MDGA2: variants seen among roughly 807,000 people sequenced by gnomAD.
MDGA2 encodes the protein MAM domain-containing glycosylphosphatidylinositol anchor protein 2.
MDGA2 carries 40 observed loss-of-function variants against 117.8 expected under a neutral mutation model. The ratio of observed to expected loss-of-function variants is 0.34; its 90% CI spans 0.26 to 0.44. MDGA2 has a LOEUF of 0.44. Among genes scored for constraint, MDGA2 ranks in the 20% least tolerant of loss-of-function variants. MDGA2 has a pLI of 1.00. For synonymous variants in MDGA2, 452 were observed against 439.0 expected, an observed-to-expected ratio of 1.03 and a Z score of -0.37; for missense variants, 1,123 against 1,250.6, an observed-to-expected ratio of 0.90 and a Z score of 1.54.
intron 1 of MDGA2, among the ~76,000 whole-genome samples, chr14:47,499,623 C>A (rs1285104765): frequency 2.0e-5 from 3 of 152,056 alleles, no homozygotes; most frequent in Non-Finnish European, 2.9e-5. Flanking sequence ...GCTTATATAC[C>A]TACAGCTTCC....
chr14:47,422,554 T>C (rs902898829), intron 1 of MDGA2, among the ~76,000 whole-genome samples: 1 of 152,212 alleles, frequency 6.6e-6, no homozygotes, highest in African/African-American at 2.4e-5. Context: ...TATATTTACA[T>C]TGAATAAAGT....
intron 1 of MDGA2, among the ~76,000 whole-genome samples, chr14:47,303,361 C>T (rs1409716200): frequency 6.6e-6 from 1 of 152,046 alleles, no homozygotes; most frequent in Non-Finnish European, 1.5e-5. Context: ...GTCAAATGTC[C>T]AGCTTGGTCT....
intron 1 of MDGA2, among the ~76,000 whole-genome samples, chr14:47,608,541 G>C (rs1312383178): frequency 1.3e-5 from 2 of 152,100 alleles, no homozygotes; most frequent in East Asian, 3.9e-4. Context: ...GAAGAACACT[G>C]AGCAGAAAGT....
chr14:46,873,247 CCAAA>C (rs1882087649), intron 14 of MDGA2, 182 bp downstream of exon 14: 1 of 499,164 alleles, frequency 2.0e-6, no homozygotes. Flanking sequence ...ATGTCAAATT[CCAAA>C]TCTAAATTAG....
chr14:47,263,574 C>T lies in MDGA2; in HGVS notation c.420+37837G>A, dbSNP rs1357702952. Among the ~76,000 whole-genome samples, 9 of 152,026 alleles carry T rather than the reference C, an allele frequency of 5.9e-5. No individual in the cohort carries two copies. The South Asian group carries it at 1.7e-3, about 28-fold the overall frequency. The stretch of plus-strand genomic sequence containing the variant: ...ACTGATGATGTTCTTTATTTTCTGA[C>T]CATTACTGTGATTGTCATACATGCA... On this transcript the variant is annotated intron_variant, in intron 2 of 16. Coordinates refer to ENST00000399232, the MANE Select transcript of MDGA2 (RefSeq NM_001113498.3).
At chr14:46,846,307 A>G (rs1880836541) in intron 15 of MDGA2, among the ~76,000 whole-genome samples, 2 of 152,168 alleles carry the variant, frequency 1.3e-5, no homozygotes, top group South Asian at 4.1e-4. Context: ...TCTTTACAAC[A>G]GTAATATGTA....
chr14:46,966,764 C>CTT (rs1566550184), intron 8 of MDGA2, among the ~76,000 whole-genome samples: 1 of 151,672 alleles, frequency 6.6e-6, no homozygotes, highest in African/African-American at 2.4e-5. Context: ...TTAGCATTTT[C>CTT]TTTTTGTATC....
At chr14:47,419,058 G>A (rs1892527736) in intron 1 of MDGA2, among the ~76,000 whole-genome samples, 1 of 152,124 alleles carries the variant, frequency 6.6e-6, no homozygotes, top group African/African-American at 2.4e-5. Context: ...TTATTTTTAA[G>A]AAGCACAACT....
At chr14:47,501,043 C>T (rs1040650) in intron 1 of MDGA2, among the ~76,000 whole-genome samples, 67,293 of 151,836 alleles carry the variant, frequency 0.44, 15,339 homozygotes, top group East Asian at 0.61. Flanking sequence ...CTGAAACCAC[C>T]GATGAATTTT....
At chr14:47,265,177 A>G (rs1317294660) in intron 2 of MDGA2, among the ~76,000 whole-genome samples, 1 of 152,194 alleles carries the variant, frequency 6.6e-6, no homozygotes, top group Non-Finnish European at 1.5e-5. Flanking sequence ...ACATCATTAC[A>G]TAGCATTTCC....
chr14:47,660,702 C>T (rs889078455), intron 1 of MDGA2, among the ~76,000 whole-genome samples: 2 of 151,952 alleles, frequency 1.3e-5, no homozygotes, highest in Non-Finnish European at 1.5e-5. Context: ...CCAAGACCAG[C>T]GATTGTTAAT....
rs1459888646 is a variant in MDGA2, at chr14:46,884,477, A to G, written c.2239-2256T>C. The stretch of plus-strand genomic sequence containing the variant: ...ATGTTCACATATATGCACATACTAT[A>G]TGTTCATAAGTATTTGTTTTCTGAA... On this transcript the variant is annotated intron_variant, in intron 10 of 16. Transcript: ENST00000399232. The surrounding 1 kb of genome is among the most constrained non-coding windows in gnomAD (Gnocchi z 4.1). Among the ~76,000 whole-genome samples, 1 of 152,152 alleles carries G rather than the reference A, an allele frequency of 6.6e-6. No homozygotes were observed. The highest frequency in any genetic ancestry group is 1.5e-5 in the Non-Finnish European group (1 of 68,012).
At chr14:47,604,062 C>A (rs141399497) in intron 1 of MDGA2, among the ~76,000 whole-genome samples, 1 of 152,098 alleles carries the variant, frequency 6.6e-6, no homozygotes, top group African/African-American at 2.4e-5. Flanking sequence ...AAATAAATGT[C>A]TTTTATTTCT....
At chr14:47,202,014 C>T (rs1404880213) in intron 3 of MDGA2, among the ~76,000 whole-genome samples, 1 of 152,164 alleles carries the variant, frequency 6.6e-6, no homozygotes, top group East Asian at 1.9e-4. Flanking sequence ...TTTTAATATA[C>T]ATGAAGTCTT....
At chr14:47,279,155 G>A (rs1888395696) in intron 2 of MDGA2, among the ~76,000 whole-genome samples, 1 of 152,008 alleles carries the variant, frequency 6.6e-6, no homozygotes, top group South Asian at 2.1e-4. Context: ...CAAAATCTAG[G>A]TGCATTAGTC....
At chr14:47,164,518 C>G (rs1594683943) in intron 3 of MDGA2, among the ~76,000 whole-genome samples, 1 of 152,220 alleles carries the variant, frequency 6.6e-6, no homozygotes, top group Admixed American at 6.5e-5. Flanking sequence ...TCATCACTGG[C>G]CATCAGAGAA....
chr14:47,325,589 T>C (rs890389062), intron 1 of MDGA2, among the ~76,000 whole-genome samples: 1 of 152,188 alleles, frequency 6.6e-6, no homozygotes, highest in Non-Finnish European at 1.5e-5. Context: ...GAGGGATTGA[T>C]AGAACACAAC....
At chr14:46,966,154 T>G (rs1262472768) in intron 8 of MDGA2, among the ~76,000 whole-genome samples, 1 of 152,170 alleles carries the variant, frequency 6.6e-6, no homozygotes, top group Admixed American at 6.5e-5. Context: ...TGTTAAGATA[T>G]TCACACAGAT....
At chr14:46,856,891 AC>A (rs1881288934) in intron 14 of MDGA2, among the ~76,000 whole-genome samples, 1 of 152,068 alleles carries the variant, frequency 6.6e-6, no homozygotes. Context: ...TTAAGATATA[AC>A]TTCTCAGAGT....
Sources: allele counts gnomAD v4.1 joint callset (sites outside exome capture counted in the v4.1 genomes callset), GRCh38; gene constraint gnomAD v4.1.1; non-coding constraint Gnocchi (gnomAD v3.1); transcripts MANE v1.5; gene names NCBI Gene and HGNC (gene_info 2026-07-23, HGNC 2026-07-21).